BBX: variants seen among roughly 807,000 people sequenced by gnomAD.
BBX encodes HMG box transcription factor BBX.
BBX carries 30 observed loss-of-function variants against 100.2 expected under a neutral mutation model. The ratio of observed to expected loss-of-function variants is 0.30; its 90% confidence interval spans 0.22 to 0.41. BBX has a LOEUF of 0.41. BBX is among the 10% of genes least tolerant of loss of function. BBX has a pLI of 1.00. For missense variants in BBX, 1,023 were observed against 1,129.8 expected, an observed-to-expected ratio of 0.91 and a Z score of 1.35; for synonymous variants, 376 against 388.1, an observed-to-expected ratio of 0.97 and a Z score of 0.37.
intron 7 of BBX, among the ~76,000 whole-genome samples, chr3:107,741,750 A>G (rs2064125123): frequency 6.6e-6 from 1 of 152,224 alleles, no homozygotes; most frequent in Non-Finnish European, 1.5e-5. Flanking sequence ...CAGACATCAC[A>G]ATGATATGGC....
At chr3:107,757,216 G>A (rs557277684) in intron 10 of BBX, among the ~76,000 whole-genome samples, 10 of 151,940 alleles carry the variant, frequency 6.6e-5, no homozygotes, top group South Asian at 2.1e-4. Flanking sequence ...TGTTAAAAAT[G>A]TATGAACCTT....
chr3:107,708,753 A>T (rs1401609438), intron 3 of BBX, among the ~76,000 whole-genome samples: 4 of 152,074 alleles, frequency 2.6e-5, no homozygotes, highest in African/African-American at 9.7e-5. Context: ...AAAATGAGTT[A>T]TTGTAGCATA....
intron 2 of BBX, among the ~76,000 whole-genome samples, chr3:107,554,470 T>C (rs1027335256): frequency 6.6e-6 from 1 of 152,200 alleles, no homozygotes; most frequent in Admixed American, 6.5e-5. Flanking sequence ...AGATTTTATA[T>C]GTATCTAGCT....
At chr3:107,650,489 T>G (rs2057777843) in intron 3 of BBX, among the ~76,000 whole-genome samples, 2 of 152,162 alleles carry the variant, frequency 1.3e-5, no homozygotes, top group African/African-American at 2.4e-5. Context: ...AGAACTTCTC[T>G]ATTGACGTTG....
chr3:107,567,986 C>T (rs1435760259), intron 2 of BBX, among the ~76,000 whole-genome samples: 1 of 150,994 alleles, frequency 6.6e-6, no homozygotes, highest in African/African-American at 2.4e-5. Context: ...TATTCTCCTC[C>T]ATTCTCTTTC....
In BBX at chr3:107,670,506, G is replaced by T. The variant is rs1010246376; in HGVS notation, c.-10+24597G>T. 7.9e-5 allele frequency among the ~76,000 whole-genome samples: 12 copies of T among 151,922 alleles called. No individual in the cohort carries two copies. The East Asian group carries it at 2.3e-3, about 29-fold the overall frequency. On this transcript the variant is annotated intron_variant, in intron 3 of 17. Coordinates refer to ENST00000325805, the MANE Select transcript of BBX (RefSeq NM_001142568.3). ...TACCCTGATCTGATTACTATACATCGTATGTATTGAAATATCAACACCATA... is the reference window on the plus strand; with the variant it reads ...TACCCTGATCTGATTACTATACATCTTATGTATTGAAATATCAACACCATA...
At chr3:107,646,829 T>C (rs1203246285) in intron 3 of BBX, among the ~76,000 whole-genome samples, 1 of 152,150 alleles carries the variant, frequency 6.6e-6, no homozygotes, top group Admixed American at 6.5e-5. Flanking sequence ...ATTACATCTG[T>C]CTAGATTATG....
At chr3:107,674,596 G>A (rs991731842) in intron 3 of BBX, among the ~76,000 whole-genome samples, 5 of 152,158 alleles carry the variant, frequency 3.3e-5, no homozygotes, top group Admixed American at 1.3e-4. Context: ...CCCTGGCAGC[G>A]GTTGCAGCCT....
chr3:107,615,971 T>TGA (rs2107671118), intron 2 of BBX, among the ~76,000 whole-genome samples: 1 of 133,954 alleles, frequency 7.5e-6, no homozygotes, highest in African/African-American at 2.8e-5. Flanking sequence ...ACCCATGGAA[T>TGA]GAGAACCTAG....
intron 5 of BBX, 88 bp from the exon 6 acceptor site, chr3:107,728,677 A>G: frequency 8.4e-7 from 1 of 1,192,312 alleles, no homozygotes; most frequent in African/African-American, 1.5e-5. Context: ...CTCACTTGGT[A>G]TCTAAATAGG....
At chr3:107,734,985 G>C (rs1186115841) in intron 7 of BBX, among the ~76,000 whole-genome samples, 2 of 152,114 alleles carry the variant, frequency 1.3e-5, no homozygotes, top group African/African-American at 4.8e-5. Flanking sequence ...TAAGGAAGAA[G>C]GTGGTAGCAG....
intron 2 of BBX, among the ~76,000 whole-genome samples, chr3:107,566,898 T>C (rs983623201): frequency 1.3e-5 from 2 of 152,134 alleles, no homozygotes; most frequent in African/African-American, 4.8e-5. Flanking sequence ...ACTCTTTTCT[T>C]CTCTGAAATG....
chr3:107,571,977 T>C (rs2051402636), intron 2 of BBX, among the ~76,000 whole-genome samples: 1 of 152,256 alleles, frequency 6.6e-6, no homozygotes, highest in African/African-American at 2.4e-5. Flanking sequence ...AAGTTCTGCT[T>C]GCCATTGACT....
At chr3:107,646,232 G>T (rs2057511499) in intron 3 of BBX, 1 of 151,820 alleles carries the variant, frequency 6.6e-6, no homozygotes. Context: ...ACCTAAATAG[G>T]TATTAAATTG....
intron 14 of BBX, among the ~76,000 whole-genome samples, chr3:107,790,276 T>C (rs1178601871): frequency 6.6e-6 from 1 of 152,184 alleles, no homozygotes; most frequent in Non-Finnish European, 1.5e-5. Flanking sequence ...TACAGTTTCG[T>C]GTTCATGTGA....
rs565165051 is a variant in BBX, at chr3:107,539,357, C to T, written c.-84+12959C>T. On this transcript the variant is annotated intron_variant, in intron 2 of 17. Transcript: ENST00000325805. ...TAGAAGGTAAACATGCCATAATATC[C>T]ATGTGTTGCAGGGATGGTGAGTACA... 7.2e-5 allele frequency among the ~76,000 whole-genome samples: 11 copies of T among 152,118 alleles called. No individual in the cohort carries two copies. The South Asian group carries it at 2.3e-3, about 32-fold the overall frequency.
At chr3:107,622,843 C>G (rs1036132675) in intron 2 of BBX, among the ~76,000 whole-genome samples, 1 of 152,194 alleles carries the variant, frequency 6.6e-6, no homozygotes, top group African/African-American at 2.4e-5. Flanking sequence ...CAGTTAATTT[C>G]AGGATTCAAG....
chr3:107,758,423 G>A (rs1486639408), intron 10 of BBX, among the ~76,000 whole-genome samples: 1 of 152,174 alleles, frequency 6.6e-6, no homozygotes, highest in Non-Finnish European at 1.5e-5. Flanking sequence ...ATAGATCCAT[G>A]TGATCAGGCA....
At chr3:107,524,912 C>G (rs1489513485) in intron 1 of BBX, among the ~76,000 whole-genome samples, 1 of 151,586 alleles carries the variant, frequency 6.6e-6, no homozygotes, top group Non-Finnish European at 1.5e-5. Context: ...CATTGCCTGT[C>G]CTGCTAATGA....
Sources: gnomAD v4.1 joint callset for allele counts (sites outside exome capture counted in the v4.1 genomes callset) on GRCh38, gnomAD v4.1.1 for gene constraint, MANE v1.5 for transcripts, NCBI Gene and HGNC (gene_info 2026-07-23, HGNC 2026-07-21) for gene names.